The following KCNQ3 variants were observed in gnomAD, a reference collection of about 807,000 sequenced individuals.
KCNQ3 encodes the protein potassium voltage-gated channel subfamily Q member 3.
In KCNQ3, 30 loss-of-function variants were observed where a neutral mutation model predicts 92.5. The observed-to-expected ratio is 0.32, with a 90% CI of 0.24 to 0.44. The LOEUF is 0.44. KCNQ3 is among the 20% of genes least tolerant of loss of function. The pLI is 1.00. For missense variants in KCNQ3, 913 were observed against 1,140.3 expected, an observed-to-expected ratio of 0.80 and a Z score of 2.87; for synonymous variants, 450 against 468.8, an observed-to-expected ratio of 0.96 and a Z score of 0.52.
chr8:132,173,887 C>T (rs1220502963), intron 6 of KCNQ3, among the ~76,000 whole-genome samples: 8 of 152,180 alleles, frequency 5.3e-5, no homozygotes, highest in Non-Finnish European at 1.0e-4. Flanking sequence ...AAAATATAAT[C>T]CCAGAACCCA....
intron 1 of KCNQ3, among the ~76,000 whole-genome samples, chr8:132,316,873 A>G (rs893308243): frequency 2.6e-5 from 4 of 152,196 alleles, no homozygotes; most frequent in African/African-American, 9.6e-5. Flanking sequence ...CAGCATGTTT[A>G]TGAGTTAGGA....
chr8:132,157,434 C>A (rs1010777787), intron 9 of KCNQ3, among the ~76,000 whole-genome samples: 4 of 152,118 alleles, frequency 2.6e-5, no homozygotes, highest in Non-Finnish European at 5.9e-5. Flanking sequence ...ATGGTGTGTG[C>A]AATAGCCATT....
At chr8:132,317,785 G>A (rs1326166256) in intron 1 of KCNQ3, among the ~76,000 whole-genome samples, 1 of 152,164 alleles carries the variant, frequency 6.6e-6, no homozygotes, top group Non-Finnish European at 1.5e-5. Context: ...TGTGGAGATT[G>A]GAGTGAGAGG....
chr8:132,252,392 A>C (rs559820762), intron 1 of KCNQ3, among the ~76,000 whole-genome samples: 1 of 151,978 alleles, frequency 6.6e-6, no homozygotes, highest in Non-Finnish European at 1.5e-5. Context: ...AAGGTGGTGC[A>C]TCCGGAGTTG....
chr8:132,269,309 CTA>C (rs1358121216), intron 1 of KCNQ3, among the ~76,000 whole-genome samples: 12 of 152,128 alleles, frequency 7.9e-5, no homozygotes, highest in African/African-American at 2.9e-4. Flanking sequence ...AGATTTTCTC[CTA>C]TGTTTCCTCC....
intron 1 of KCNQ3, among the ~76,000 whole-genome samples, chr8:132,363,954 G>A (rs1403423305): frequency 6.6e-6 from 1 of 151,746 alleles, no homozygotes; most frequent in African/African-American, 2.4e-5. Flanking sequence ...GCAATTATCT[G>A]TCTTTTTTTA....
At chr8:132,153,473 C>T (rs1825698950) in intron 9 of KCNQ3, among the ~76,000 whole-genome samples, 1 of 152,084 alleles carries the variant, frequency 6.6e-6, no homozygotes, top group South Asian at 2.1e-4. Context: ...AACTCAATTC[C>T]AAGCTTTGGG....
intron 1 of KCNQ3, among the ~76,000 whole-genome samples, chr8:132,293,209 T>G (rs891406466): frequency 7.9e-5 from 12 of 152,182 alleles, no homozygotes; most frequent in Non-Finnish European, 1.8e-4. Flanking sequence ...TTCCTGGAGT[T>G]CTGTGAGCTA....
At chr8:132,165,013 T>C (rs1194266752) in intron 8 of KCNQ3, among the ~76,000 whole-genome samples, 2 of 152,152 alleles carry the variant, frequency 1.3e-5, no homozygotes, top group African/African-American at 2.4e-5. Flanking sequence ...CCATCTCTGC[T>C]TCTCTCTCCT....
intron 1 of KCNQ3, among the ~76,000 whole-genome samples, chr8:132,356,720 T>C (rs1179838392): frequency 6.6e-6 from 1 of 152,190 alleles, no homozygotes; most frequent in Non-Finnish European, 1.5e-5. Flanking sequence ...TTAATGCCCT[T>C]CTCAAAAACT....
chr8:132,140,709 A>G (rs1336402055), intron 10 of KCNQ3: 1 of 264,404 alleles, frequency 3.8e-6, no homozygotes, highest in African/African-American at 2.2e-5. Flanking sequence ...TGCATAAGTA[A>G]AAGAGGCACA....
chr8:132,422,928 G>C (rs1821012568), intron 1 of KCNQ3, among the ~76,000 whole-genome samples: 1 of 152,154 alleles, frequency 6.6e-6, no homozygotes, highest in African/African-American at 2.4e-5. Context: ...AGCACACATA[G>C]AGAGGAGCAG....
chr8:132,227,988 T>TAA (rs774939169), intron 1 of KCNQ3, among the ~76,000 whole-genome samples: 2 of 146,216 alleles, frequency 1.4e-5, no homozygotes, highest in Non-Finnish European at 3.0e-5. Context: ...AAACAGAAGT[T>TAA]AAAAAAAAAA....
intron 11 of KCNQ3, 118 bp downstream of exon 11, chr8:132,139,958 G>A: frequency 1.4e-6 from 1 of 701,268 alleles, no homozygotes; most frequent in Non-Finnish European, 2.4e-6. Context: ...CAGGGTTAGT[G>A]GAGGGGCTTC....
Position 132,225,253 on chromosome 8 carries a change from G to C in KCNQ3, c.387-39072C>G, listed in dbSNP as rs1321169104. ...GATAAGACCAATACAAAAGTAGCTTGAGTTGAGTTCCTGCTCAAAGGTAGA... is the reference window on the plus strand; with the variant it reads ...GATAAGACCAATACAAAAGTAGCTTCAGTTGAGTTCCTGCTCAAAGGTAGA... On this transcript the variant is annotated intron_variant, in intron 1 of 14. Coordinates refer to ENST00000388996, the MANE Select transcript of KCNQ3 (RefSeq NM_004519.4). Among the ~76,000 whole-genome samples the C allele has an allele frequency of 2.0e-5, 3 of 152,194 alleles. No individual in the cohort carries two copies. The East Asian group carries it at 5.8e-4, about 29-fold the overall frequency.
chr8:132,326,824 G>A (rs990018000), intron 1 of KCNQ3, among the ~76,000 whole-genome samples: 4 of 152,184 alleles, frequency 2.6e-5, no homozygotes, highest in African/African-American at 9.7e-5. Flanking sequence ...CAGGTATTTT[G>A]TTATAGTAGC....
intron 1 of KCNQ3, among the ~76,000 whole-genome samples, chr8:132,453,126 T>G (rs1821859797): frequency 6.6e-6 from 1 of 152,086 alleles, no homozygotes; most frequent in African/African-American, 2.4e-5. Flanking sequence ...AGGCAGGACC[T>G]TGGATGGTCT....
At chr8:132,360,979 G>A (rs761193270) in intron 1 of KCNQ3, among the ~76,000 whole-genome samples, 1 of 152,148 alleles carries the variant, frequency 6.6e-6, no homozygotes, top group African/African-American at 2.4e-5. Context: ...CTACTGCTTG[G>A]CTCTTCATTA....
chr8:132,312,449 C>T (rs1202699996), intron 1 of KCNQ3, among the ~76,000 whole-genome samples: 1 of 152,038 alleles, frequency 6.6e-6, no homozygotes, highest in Admixed American at 6.6e-5. Flanking sequence ...CAGGCAGAAC[C>T]TTGCCTTGGG....
Sources: gnomAD v4.1 joint callset for allele counts (sites outside exome capture counted in the v4.1 genomes callset) on GRCh38, gnomAD v4.1.1 for gene constraint, MANE v1.5 for transcripts, NCBI Gene and HGNC (gene_info 2026-07-23, HGNC 2026-07-21) for gene names.